Variants in CNTN5 observed in about 807,000 individuals in gnomAD.
The protein encoded by CNTN5 is contactin-5.
Under a neutral mutation model 129.1 loss-of-function variants are expected in CNTN5, and 77 were observed. The ratio of observed to expected loss-of-function variants is 0.60; its 90% CI spans 0.50 to 0.72. The LOEUF (loss-of-function observed/expected upper bound fraction) is 0.72, where lower values mean the gene tolerates loss of function less well. Among genes scored for constraint, CNTN5 ranks in the 30% least tolerant of loss-of-function variants. CNTN5 has a pLI of 0.00. For missense variants in CNTN5, 1,478 were observed against 1,328.8 expected (o/e 1.11, Z -1.75); for synonymous variants, 509 against 465.6 (o/e 1.09, Z -1.20).
At chr11:100,189,952 T>C (rs1224178789) in intron 13 of CNTN5, among the ~76,000 whole-genome samples, 1 of 152,156 alleles carries the variant, frequency 6.6e-6, no homozygotes, top group South Asian at 2.1e-4. Context: ...AATGAAAATA[T>C]GTAAGTATAA....
At chr11:100,121,891 T>A (rs973132998) in intron 13 of CNTN5, among the ~76,000 whole-genome samples, 2 of 151,900 alleles carry the variant, frequency 1.3e-5, no homozygotes, top group Admixed American at 6.6e-5. Context: ...ATTACAATTT[T>A]AAAAAAAGAT....
intron 3 of CNTN5, among the ~76,000 whole-genome samples, chr11:99,613,609 AATATGCAGCAAAAAGATTGAAAT>A (rs1338142467): frequency 1.3e-5 from 2 of 152,212 alleles, no homozygotes; most frequent in African/African-American, 4.8e-5. Context: ...AAGTACCGAT[AATATGCAGCAAAAAGATTGAAAT>A]TTTAATCTTT....
intron 8 of CNTN5, among the ~76,000 whole-genome samples, chr11:99,990,453 T>TACACACACACACACACAC (rs550501632): frequency 1.5e-4 from 21 of 144,068 alleles, no homozygotes; most frequent in African/African-American, 5.0e-4. Context: ...AATATATATA[T>TACACACACACACACACAC]ATACACACAC....
chr11:99,609,658 C>G (rs547832454), intron 3 of CNTN5, among the ~76,000 whole-genome samples: 1 of 152,080 alleles, frequency 6.6e-6, no homozygotes, highest in African/African-American at 2.4e-5. Context: ...GATTCTCAGG[C>G]TCATTCACTT....
chr11:100,058,849 A>T (rs1943348211), intron 9 of CNTN5, among the ~76,000 whole-genome samples: 1 of 152,158 alleles, frequency 6.6e-6, no homozygotes, highest in Non-Finnish European at 1.5e-5. Context: ...TTTGTTATTT[A>T]AAAGAAAAAA....
At chr11:99,291,231 C>T (rs1015519348) in intron 1 of CNTN5, among the ~76,000 whole-genome samples, 9 of 151,806 alleles carry the variant, frequency 5.9e-5, no homozygotes, top group Non-Finnish European at 1.2e-4. Flanking sequence ...GTTTCTGTTT[C>T]TCACTTTCTT....
At chr11:99,929,762 AT>A (rs996286896) in intron 7 of CNTN5, among the ~76,000 whole-genome samples, 58 of 152,150 alleles carry the variant, frequency 3.8e-4, no homozygotes, top group African/African-American at 1.4e-3. Flanking sequence ...GGGAGCTACA[AT>A]TTAAGATGAT....
intron 3 of CNTN5, among the ~76,000 whole-genome samples, chr11:99,749,612 G>A (rs1239130456): frequency 1.3e-5 from 2 of 152,142 alleles, no homozygotes; most frequent in African/African-American, 4.8e-5. Context: ...GAGTCTAGTT[G>A]TTTTCAAAAT....
intron 2 of CNTN5, among the ~76,000 whole-genome samples, chr11:99,421,311 G>C (rs1230491941): frequency 3.3e-5 from 5 of 152,082 alleles, no homozygotes; most frequent in Non-Finnish European, 7.4e-5. Context: ...ACTTCTACTA[G>C]TGAAGAATTT....
chr11:99,494,079 C>T (rs905409060), intron 2 of CNTN5, among the ~76,000 whole-genome samples: 5 of 152,086 alleles, frequency 3.3e-5, no homozygotes, highest in Non-Finnish European at 7.4e-5. Context: ...ATAGAGATGC[C>T]TCCACATTTA....
rs374970341 is a variant in CNTN5 at position 99,145,581 on chromosome 11, ATTC to A, written c.-210+124317_-210+124319del. Among the ~76,000 whole-genome samples, 65 of 152,206 alleles carry A rather than the reference ATTC, an allele frequency of 4.3e-4. No individual in the cohort carries two copies. The East Asian group carries it at 0.011, about 25-fold the overall frequency. On this transcript the variant is annotated intron_variant, in intron 1 of 24. Coordinates refer to ENST00000524871, the MANE Select transcript of CNTN5 (RefSeq NM_014361.4). The stretch of plus-strand genomic sequence containing the variant: ...ATCCTCCAGTCAATTCTCAGTAACA[ATTC>A]TTCTTACTGTGAGTTGCATCTAGTT...
intron 1 of CNTN5, among the ~76,000 whole-genome samples, chr11:99,186,025 C>A (rs981725525): frequency 6.6e-6 from 1 of 151,740 alleles, no homozygotes; most frequent in Non-Finnish European, 1.5e-5. Flanking sequence ...ATGAATATAT[C>A]AAAAATAGCT....
At chr11:100,331,243 A>G (rs1424726618) in intron 21 of CNTN5, among the ~76,000 whole-genome samples, 1 of 152,194 alleles carries the variant, frequency 6.6e-6, no homozygotes, top group Non-Finnish European at 1.5e-5. Context: ...AAAGAGGGAT[A>G]TTATATAATG....
At chr11:99,164,322 C>CA (rs35669418) in intron 1 of CNTN5, among the ~76,000 whole-genome samples, 8,850 of 48,026 alleles carry the variant, frequency 0.18, 483 homozygotes, top group African/African-American at 0.21. Context: ...CACTCCATCT[C>CA]AAAAAAAAAA....
chr11:99,621,617 G>T (rs552888036), intron 3 of CNTN5, among the ~76,000 whole-genome samples: 1 of 152,122 alleles, frequency 6.6e-6, no homozygotes, highest in Non-Finnish European at 1.5e-5. Flanking sequence ...CTTTGAGCAG[G>T]TGAACATTAC....
At chr11:99,447,592 G>A (rs1277084329) in intron 2 of CNTN5, among the ~76,000 whole-genome samples, 2 of 152,138 alleles carry the variant, frequency 1.3e-5, no homozygotes, top group Non-Finnish European at 2.9e-5. Flanking sequence ...AAGGGTTATT[G>A]TACATATTAA....
At chr11:100,273,401 A>G (rs1015594448) in intron 18 of CNTN5, among the ~76,000 whole-genome samples, 14 of 152,086 alleles carry the variant, frequency 9.2e-5, no homozygotes, top group African/African-American at 3.4e-4. Flanking sequence ...CTGGTAGTAC[A>G]GTCTGCTCCC....
At chr11:99,106,013 C>T (rs1245728807) in intron 1 of CNTN5, among the ~76,000 whole-genome samples, 1 of 151,982 alleles carries the variant, frequency 6.6e-6, no homozygotes, top group Non-Finnish European at 1.5e-5. Flanking sequence ...CTAAGTTAAA[C>T]AACGTAAGGG....
chr11:99,057,438 T>G (rs73552116), intron 1 of CNTN5, among the ~76,000 whole-genome samples: 1,669 of 151,910 alleles, frequency 0.011, 33 homozygotes, highest in African/African-American at 0.038. Context: ...AAGTGTGTTT[T>G]TAACAACACT....
Sources: allele counts gnomAD v4.1 joint callset (sites outside exome capture counted in the v4.1 genomes callset), GRCh38; gene constraint gnomAD v4.1.1; transcripts MANE v1.5; gene names NCBI Gene and HGNC (gene_info 2026-07-23, HGNC 2026-07-21).